COL6A3: variants seen among roughly 807,000 people sequenced by gnomAD.
COL6A3 encodes the protein collagen type VI alpha 3 chain, also known as collagen alpha-3(VI) chain.
Under a neutral mutation model 274.1 loss-of-function variants are expected in COL6A3, and 137 were observed. The ratio of observed to expected loss-of-function variants is 0.50; its 90% confidence interval spans 0.44 to 0.58. The LOEUF (loss-of-function observed/expected upper bound fraction) is 0.58. Ranked by LOEUF, COL6A3 falls within the 20% of genes least tolerant of loss-of-function variation. COL6A3 has a pLI of 0.00. For synonymous variants in COL6A3, 1,650 were observed against 1,650.6 expected (o/e 1.00, Z 0.01); for missense variants, 3,950 against 4,124.9 (o/e 0.96, Z 1.16).
At chr2:237,345,442 A>C (rs2077078823) in intron 32 of COL6A3, among the ~76,000 whole-genome samples, 1 of 152,236 alleles carries the variant, frequency 6.6e-6, no homozygotes, top group African/African-American at 2.4e-5. Context: ...AAATAGTCTC[A>C]TGTTCTGAAA....
Position 237,371,314 on chromosome 2 carries a change from G to T in COL6A3, c.4285+418C>A, listed in dbSNP as rs933185415. 1.3e-5 allele frequency among the ~76,000 whole-genome samples: 2 copies of T among 152,110 alleles called. No individual in the cohort carries two copies. Among genetic ancestry groups the T allele is most frequent in the African/African-American group, 4.8e-5 (2 of 41,440 alleles). ...GCTGGTGGGCATGAAGAACATAAAG[G>T]TGCTGGGCGCGGTGTCTCAGGCCTG... On this transcript the variant is annotated intron_variant, in intron 9 of 43. Coordinates refer to ENST00000295550, the MANE Select transcript of COL6A3 (RefSeq NM_004369.4). This position sits in a 1 kb window ranked among gnomAD's most constrained non-coding sequence, Gnocchi z 4.3.
chr2:237,370,504 T>C (rs2077661800), intron 9 of COL6A3, among the ~76,000 whole-genome samples: 1 of 152,230 alleles, frequency 6.6e-6, no homozygotes, highest in African/African-American at 2.4e-5. Flanking sequence ...CCCAAAGTGC[T>C]GGGATTACAG....
chr2:237,338,613 C>T (rs976717973), intron 39 of COL6A3, among the ~76,000 whole-genome samples: 8 of 151,962 alleles, frequency 5.3e-5, no homozygotes, highest in Non-Finnish European at 1.2e-4. Flanking sequence ...AAAAAAAATA[C>T]AAAAATTAGC....
At position 237,358,591 on chromosome 2, in the gene COL6A3, A is replaced by G. The variant is rs2106340546; in HGVS notation, c.6409-8T>C. ...TCGAGGTCCTTTATCACCCTAAAGA[A>G]AAAGCACAAGTGGATGCTAAAAACT... On this transcript the variant is annotated splice_polypyrimidine_tract_variant and splice_region_variant and intron_variant, in intron 20 of 43. Coordinates refer to ENST00000295550, the MANE Select transcript of COL6A3 (RefSeq NM_004369.4). 6.2e-7 allele frequency: 1 copy of G among 1,613,170 alleles called. No individual in the cohort carries two copies.
At position 237,361,803 on chromosome 2, in the gene COL6A3, C is replaced by T. The variant is rs866970843; in HGVS notation, c.6092G>A (p.Gly2031Glu). 1 of 1,614,156 alleles carries T rather than the reference C, an allele frequency of 6.2e-7. No individual in the cohort carries two copies. The highest frequency in any genetic ancestry group is 8.5e-7 in the Non-Finnish European group (1 of 1,180,024). Residue 2031 changes from glycine (G) to glutamate (E), a missense_variant, in exon 15 of 44, where the codon GGG becomes GAG. By Grantham distance (98) the Gly-to-Glu change is moderately conservative. Transcript: ENST00000295550. This position sits in a 1 kb window ranked among gnomAD's most constrained non-coding sequence, Gnocchi z 5.1. ...LDNIAEKACC[G>E]VPCKCSGQRG... is the part of the protein sequence containing the mutation. The stretch of plus-strand genomic sequence containing the variant: ...CTGCCCAGAGCACTTGCAGGGAACC[C>T]CACAGCAAGCTTTCTCGGCAATGTT...
In COL6A3 at chr2:237,387,732, C is replaced by T; in HGVS notation, c.1162G>A (p.Glu388Lys). The part of the protein sequence containing the change: ...GLGAQAASRA[E>K]LQHIATDDNL... ...TCATCGGTAGCTATGTGCTGAAGCT[C>T]TGCCCTGGAGGCGGCCTGGGCTCCA... The change falls in exon 4 of 44, where the codon GAG becomes AAG. Residue 388 changes from glutamate (E) to lysine (K), a missense_variant. Glu to Lys is a moderately conservative substitution (Grantham distance 56). Coordinates refer to ENST00000295550, the MANE Select transcript of COL6A3 (RefSeq NM_004369.4). The T allele has an allele frequency of 1.9e-6, 3 of 1,614,090 alleles. No homozygotes were observed. The highest frequency in any genetic ancestry group is 2.5e-6 in the Non-Finnish European group (3 of 1,179,972).
At chr2:237,338,353 C>A (rs1700656128) in intron 39 of COL6A3, among the ~76,000 whole-genome samples, 2 of 152,196 alleles carry the variant, frequency 1.3e-5, no homozygotes, top group African/African-American at 4.8e-5. Flanking sequence ...TCTAGACCAG[C>A]AGCTCTATAG....
chr2:237,333,587 G>A, intron 41 of COL6A3, 39 bp from the exon 42 acceptor site: 1 of 1,555,468 alleles, frequency 6.4e-7, no homozygotes. Context: ...AGGTAAATCA[G>A]AAACAGGAGG....
chr2:237,336,059 C>T, intron 40 of COL6A3, 76 bp downstream of exon 40: 1 of 1,557,910 alleles, frequency 6.4e-7, no homozygotes, highest in Non-Finnish European at 8.8e-7. Flanking sequence ...GTGTTACATG[C>T]AGGCTTTGAG....
chr2:237,405,827 G>C (rs989599626), intron 1 of COL6A3, among the ~76,000 whole-genome samples: 1 of 152,002 alleles, frequency 6.6e-6, no homozygotes, highest in Non-Finnish European at 1.5e-5. Flanking sequence ...CTTCCTTGGT[G>C]GTGACACACC....
chr2:237,377,242 T>A lies in COL6A3; in HGVS notation c.2600A>T (p.Asn867Ile), dbSNP rs751459281. 24 of 1,612,110 alleles carry A rather than the reference T, an allele frequency of 1.5e-5. No homozygotes were observed. The Admixed American group carries it at 3.3e-4, about 22-fold the overall frequency. The change falls in exon 7 of 44, where the codon AAT becomes ATT. Residue 867 changes from asparagine (N) to isoleucine (I), a missense_variant. Asn to Ile is a moderately radical substitution (Grantham distance 149, BLOSUM62 -3). Coordinates refer to ENST00000295550, the MANE Select transcript of COL6A3 (RefSeq NM_004369.4). ...AATTCGGGTCCCCTCTGGCTTCACA[T>A]TGAGCTCATCGATAATCTTGTAGAG... ...DFLYKIIDEL[N>I]VKPEGTRIAV... is the part of the protein sequence containing the mutation.
chr2:237,361,621 T>C lies in COL6A3; in HGVS notation c.6156+118A>G, dbSNP rs2077438953. On this transcript the variant is annotated intron_variant, in intron 15 of 43. Coordinates refer to ENST00000295550, the MANE Select transcript of COL6A3 (RefSeq NM_004369.4). This position sits in a 1 kb window ranked among gnomAD's most constrained non-coding sequence, Gnocchi z 5.1. ...GAGCTCCTCCTTCTAACATAAGAAA[T>C]GGTCTCTCGTCTCCTCCTTCATCTC... The C allele has an allele frequency of 4.2e-6, 4 of 962,944 alleles. No homozygotes were observed. 59.6% of individuals were successfully genotyped at this position (962,944 alleles called of 1,614,324 possible). A position where few individuals can be genotyped will look rare whatever the true frequency, so the allele number is the denominator to read the frequency against.
intron 31 of COL6A3, 86 bp from the exon 32 acceptor site, chr2:237,346,651 G>A: frequency 8.1e-7 from 1 of 1,236,588 alleles, no homozygotes; most frequent in Admixed American, 1.7e-5. Context: ...CGGTAAAAGT[G>A]ATCTAACCCA....
chr2:237,347,874 G>A lies in COL6A3; in HGVS notation c.6967-5C>T. Reference sequence around the variant, plus strand: ...CCCAGGTTCACCTGGGTTACCCTGGGAAGAAAGCCGAGAAGTGGCACAGTA... The same window carrying A: ...CCCAGGTTCACCTGGGTTACCCTGGAAAGAAAGCCGAGAAGTGGCACAGTA... On this transcript the variant is annotated splice_region_variant and splice_polypyrimidine_tract_variant and intron_variant, in intron 30 of 43. Coordinates refer to ENST00000295550, the MANE Select transcript of COL6A3 (RefSeq NM_004369.4). 6.2e-7 allele frequency: 1 copy of A among 1,608,096 alleles called. No individual in the cohort carries two copies. Among genetic ancestry groups the A allele is most frequent in the Non-Finnish European group, 8.5e-7 (1 of 1,176,910 alleles).
chr2:237,347,310 G>A (rs963678849), intron 31 of COL6A3, among the ~76,000 whole-genome samples: 1 of 151,776 alleles, frequency 6.6e-6, no homozygotes, highest in Non-Finnish European at 1.5e-5. Flanking sequence ...CACACACAAA[G>A]AATAAAAAGA....
At chr2:237,367,828 T>C (rs954740207) in intron 10 of COL6A3, among the ~76,000 whole-genome samples, 1 of 151,982 alleles carries the variant, frequency 6.6e-6, no homozygotes, top group African/African-American at 2.4e-5. Context: ...TGAATATCAG[T>C]GGTGTGGAGG....
chr2:237,330,220 G>T (rs932452141), intron 42 of COL6A3: 1 of 152,182 alleles, frequency 6.6e-6, no homozygotes, highest in Non-Finnish European at 1.5e-5. Context: ...CTAAAAATGA[G>T]AAGGGAGAAG....
chr2:237,363,958 T>C (rs2106346768), intron 13 of COL6A3, among the ~76,000 whole-genome samples: 1 of 152,318 alleles, frequency 6.6e-6, no homozygotes, highest in East Asian at 1.9e-4. Flanking sequence ...ATTATTTGGG[T>C]GTAGTGTTAT....
chr2:237,392,993 C>T (rs973017197), intron 3 of COL6A3, among the ~76,000 whole-genome samples: 2 of 152,196 alleles, frequency 1.3e-5, no homozygotes, highest in Non-Finnish European at 2.9e-5. Context: ...ACTCTCCTTC[C>T]GAGACCTGGC....
Sources: allele counts gnomAD v4.1 joint callset (sites outside exome capture counted in the v4.1 genomes callset), GRCh38; gene constraint gnomAD v4.1.1; non-coding constraint Gnocchi (gnomAD v3.1); transcripts MANE v1.5; gene names NCBI Gene and HGNC (gene_info 2026-07-23, HGNC 2026-07-21).